HAS3: variants seen among roughly 807,000 people sequenced by gnomAD.
HAS3 encodes the protein hyaluronan synthase 3.
In HAS3, 27 loss-of-function variants were observed where a neutral mutation model predicts 50.3. The ratio of observed to expected loss-of-function variants is 0.54; its 90% confidence interval spans 0.40 to 0.74. The LOEUF (loss-of-function observed/expected upper bound fraction) is 0.74. Among genes scored for constraint, HAS3 ranks in the 30% least tolerant of loss-of-function variants. The pLI, the probability that HAS3 is intolerant of heterozygous loss-of-function variation, is 0.00. For missense variants in HAS3, 517 were observed against 742.8 expected (o/e 0.70, Z 3.53); for synonymous variants, 339 against 310.9 (o/e 1.09, Z -0.95).
Position 69,106,049 on chromosome 16 carries a change from G to A in HAS3, c.-1+262G>A, listed in dbSNP as rs1331305082. 6.6e-6 allele frequency among the ~76,000 whole-genome samples: 1 copy of A among 152,182 alleles called. No individual in the cohort carries two copies. Among genetic ancestry groups the A allele is most frequent in the Non-Finnish European group, 1.5e-5 (1 of 68,020 alleles). On this transcript the variant is annotated intron_variant, in intron 1 of 3. Coordinates refer to ENST00000569188, the MANE Select transcript of HAS3 (RefSeq NM_001199280.2). The surrounding 1 kb of genome is among the most constrained non-coding windows in gnomAD (Gnocchi z 5.5). ...CGGAGCCGCGTCCACCCGGGACTAGGCGTCCCCGCCGAGCGCTGGCTTGTG... is the reference window on the plus strand; with the variant it reads ...CGGAGCCGCGTCCACCCGGGACTAGACGTCCCCGCCGAGCGCTGGCTTGTG...
downstream of HAS3, chr16:69,118,289 A>G: frequency 9.7e-7 from 1 of 1,032,134 alleles, no homozygotes; most frequent in Non-Finnish European, 1.5e-6. Flanking sequence ...CAGTCAGTCA[A>G]GCAGAAACTG....
chr16:69,099,475 A>G, the HAS3 span, among the ~76,000 whole-genome samples: 9 of 151,590 alleles, frequency 5.9e-5, no homozygotes, highest in Admixed American at 1.3e-4. Context: ...CTACAGGTGC[A>G]CACCACCATG....
rs775363928 is a variant in HAS3 at position 69,117,123 on chromosome 16, G to A, written c.*1857G>A. The A allele has an allele frequency of 3.4e-4, 337 of 985,702 alleles. 1 individual carries two copies. In the Middle Eastern group the frequency reaches 6.2e-3, roughly 18 times the overall value. 61.1% of individuals were successfully genotyped at this position (985,702 alleles called of 1,614,324 possible). A position where few individuals can be genotyped will look rare whatever the true frequency, so the allele number is the denominator to read the frequency against. ...TGGAAGGCAGCAGGCATTTGCTAAG[G>A]CAGCTGATCCAGGCAATCGTTCTGC... On this transcript the variant is annotated 3_prime_UTR_variant, in exon 4 of 4. Coordinates refer to ENST00000569188, the MANE Select transcript of HAS3 (RefSeq NM_001199280.2).
the HAS3 span, among the ~76,000 whole-genome samples, chr16:69,098,661 G>GTTT: frequency 2.5e-5 from 3 of 120,962 alleles, no homozygotes; most frequent in African/African-American, 9.9e-5. Context: ...TATCAAACCT[G>GTTT]ATTTTTTTTT....
chr16:69,107,232 T>C lies in HAS3; in HGVS notation c.-1+1445T>C. 4.8e-6 allele frequency: 3 copies of C among 629,150 alleles called. No individual in the cohort carries two copies. The highest frequency in any genetic ancestry group is 5.9e-6 in the Non-Finnish European group (3 of 508,500). 39.0% of individuals were successfully genotyped at this position (629,150 alleles called of 1,614,324 possible). On this transcript the variant is annotated intron_variant, in intron 1 of 3. Coordinates refer to ENST00000569188, the MANE Select transcript of HAS3 (RefSeq NM_001199280.2). The surrounding 1 kb of genome is among the most constrained non-coding windows in gnomAD (Gnocchi z 5.5). ...AGCGCCTGATTGCACGTGGGGTATC[T>C]GGCTGAGGGACATTTTGGGGGCCTC...
At chr16:69,118,040 T>C, downstream of HAS3, 1 of 392,976 alleles carries the variant, frequency 2.5e-6, no homozygotes, top group Admixed American at 4.1e-5. Flanking sequence ...AAAGAAACAG[T>C]AAGAAAAGAT....
chr16:69,089,199 G>A, the HAS3 span, among the ~76,000 whole-genome samples: 1 of 152,146 alleles, frequency 6.6e-6, no homozygotes, highest in Non-Finnish European at 1.5e-5. Context: ...ACCTGACTGT[G>A]CCTCTCACCC....
chr16:69,090,104 C>T, the HAS3 span, among the ~76,000 whole-genome samples: 2 of 152,146 alleles, frequency 1.3e-5, no homozygotes, highest in African/African-American at 4.8e-5. Context: ...GGAGCTTCTT[C>T]CCACAAAGTG....
At chr16:69,085,990 C>T in the HAS3 span, among the ~76,000 whole-genome samples, 2 of 151,632 alleles carry the variant, frequency 1.3e-5, no homozygotes, top group African/African-American at 4.8e-5. Flanking sequence ...CCTCAGCACC[C>T]CCGAGTAGCT....
intron 2 of HAS3, among the ~76,000 whole-genome samples, chr16:69,112,854 G>T (rs904737768): frequency 3.9e-5 from 6 of 152,222 alleles, no homozygotes; most frequent in African/African-American, 1.4e-4. Context: ...GCCTCCAGGG[G>T]GAGCCCTCAG....
At chr16:69,086,819 G>A in the HAS3 span, among the ~76,000 whole-genome samples, 10 of 152,280 alleles carry the variant, frequency 6.6e-5, no homozygotes, top group African/African-American at 2.2e-4. Context: ...CGGGAGAATC[G>A]CTTGAACCTG....
At chr16:69,100,015 C>T in the HAS3 span, among the ~76,000 whole-genome samples, 1 of 152,156 alleles carries the variant, frequency 6.6e-6, no homozygotes, top group Non-Finnish European at 1.5e-5. Context: ...GGGCTGACCG[C>T]TTTGCCTCCA....
upstream of HAS3, among the ~76,000 whole-genome samples, chr16:69,101,283 C>G (rs1342021068): frequency 1.3e-5 from 2 of 152,116 alleles, no homozygotes; most frequent in African/African-American, 4.8e-5. Context: ...TGGAACAGGC[C>G]CTGCTGGAAG....
intron 2 of HAS3, 63 bp downstream of exon 2, chr16:69,110,094 TCCG>T (rs1334151863): frequency 1.4e-6 from 2 of 1,480,322 alleles, no homozygotes; most frequent in African/African-American, 2.8e-5. Flanking sequence ...TGGCAAACTC[TCCG>T]CCAAGAATCT....
chr16:69,094,358 C>G, the HAS3 span, among the ~76,000 whole-genome samples: 1 of 152,202 alleles, frequency 6.6e-6, no homozygotes, highest in East Asian at 1.9e-4. Context: ...CACACCTTCA[C>G]TGGACCACAC....
chr16:69,099,093 C>T, the HAS3 span, among the ~76,000 whole-genome samples: 1 of 151,756 alleles, frequency 6.6e-6, no homozygotes, highest in African/African-American at 2.4e-5. Context: ...GCCTCAGCCT[C>T]CTGAGTAGCT....
Position 69,107,518 on chromosome 16 carries a change from G to A in HAS3, c.-1+1731G>A, listed in dbSNP as rs541288364. 1.0e-6 allele frequency: 1 copy of A among 985,486 alleles called. No homozygotes were observed. Among genetic ancestry groups the A allele is most frequent in the Non-Finnish European group, 1.2e-6 (1 of 830,084 alleles). 61.0% of individuals were successfully genotyped at this position (985,486 alleles called of 1,614,324 possible). On this transcript the variant is annotated intron_variant, in intron 1 of 3. Transcript: ENST00000569188. This position sits in a 1 kb window ranked among gnomAD's most constrained non-coding sequence, Gnocchi z 5.5. ...CCGCCTTTGCCAAGAGGCGAGGCTCGAGCGGGGATGAGAAGCGTGGCGAGT... is the reference window on the plus strand; with the variant it reads ...CCGCCTTTGCCAAGAGGCGAGGCTCAAGCGGGGATGAGAAGCGTGGCGAGT...
In HAS3 at chr16:69,116,980, T is replaced by C; in HGVS notation, c.*1714T>C. Reference sequence around the variant, plus strand: ...CCACAGATGGGCAAACCCTGGTGCTTTCCTTCATCTCCCACGAACTCAAGG... The same window carrying C: ...CCACAGATGGGCAAACCCTGGTGCTCTCCTTCATCTCCCACGAACTCAAGG... On this transcript the variant is annotated 3_prime_UTR_variant, in exon 4 of 4. Coordinates refer to ENST00000569188, the MANE Select transcript of HAS3 (RefSeq NM_001199280.2). 1.0e-6 allele frequency: 1 copy of C among 985,412 alleles called. No individual in the cohort carries two copies. Among genetic ancestry groups the C allele is most frequent in the Non-Finnish European group, 1.2e-6 (1 of 829,930 alleles). The allele number at this position is 985,412 out of a possible 1,614,324, so 61.0% of individuals were successfully genotyped here. A position where few individuals can be genotyped will look rare whatever the true frequency, so the allele number is the denominator to read the frequency against.
upstream of HAS3, among the ~76,000 whole-genome samples, chr16:69,103,120 T>C (rs1007973327): frequency 2.0e-5 from 3 of 152,170 alleles, no homozygotes; most frequent in Non-Finnish European, 2.9e-5. Context: ...CTGGCTTCTC[T>C]TGACAACAGA....
Sources: gnomAD v4.1 joint callset for allele counts (sites outside exome capture counted in the v4.1 genomes callset) on GRCh38, gnomAD v4.1.1 for gene constraint, Gnocchi (gnomAD v3.1) non-coding constraint, MANE v1.5 for transcripts, NCBI Gene and HGNC (gene_info 2026-07-23, HGNC 2026-07-21) for gene names.